The following THBD variants were observed in gnomAD, a reference collection of about 807,000 sequenced individuals.
THBD encodes the protein CD141 antigen.
For synonymous variants in THBD, 449 were observed against 374.2 expected, an observed-to-expected ratio of 1.20 and a Z score of -2.31; for missense variants, 850 against 816.9, an observed-to-expected ratio of 1.04 and a Z score of -0.49.
In THBD at chr20:23,048,967, C is replaced by A. The variant is rs775651917; in HGVS notation, c.538G>T (p.Val180Leu). 27 of 1,559,038 alleles carry A rather than the reference C, an allele frequency of 1.7e-5. No homozygotes were observed. Among genetic ancestry groups the A allele is most frequent in the Non-Finnish European group, 2.3e-5 (27 of 1,155,162 alleles). Residue 180 changes from valine (V) to leucine (L), a missense_variant, in exon 1 of 1, where the codon GTG becomes TTG. Coordinates refer to ENST00000377103, the MANE Select transcript of THBD (RefSeq NM_000361.3). ...HFPATCRPLAVEPGAAAAAVS... is the reference protein window; with the variant it reads ...HFPATCRPLALEPGAAAAAVS... ...GCGGCAGCCGCGGCGCCGGGCTCCA[C>A]AGCCAGTGGCCTGCAGGTGGCTGGG...
In THBD at chr20:23,049,334, G is replaced by A; in HGVS notation, c.171C>T (p.Gly57=). 6.2e-7 allele frequency: 1 copy of A among 1,604,476 alleles called. No individual in the cohort carries two copies. Among genetic ancestry groups the A allele is most frequent in the African/African-American group, 1.3e-5 (1 of 74,950 alleles). Residue 57 remains glycine (G), a synonymous_variant, in exon 1 of 1, where the codon GGC becomes GGT. Coordinates refer to ENST00000377103, the MANE Select transcript of THBD (RefSeq NM_000361.3). ...NASQICDGLR[G]HLMTVRSSVA... ...CCGAGGAGCGCACTGTCATTAGGTG[G>A]CCCCGCAGTCCGTCGCAGATCTGAC...
chr20:23,049,222 C>A lies in THBD; in HGVS notation c.283G>T (p.Gly95Cys). The A allele has an allele frequency of 6.4e-7, 1 of 1,556,666 alleles. No individual in the cohort carries two copies. The highest frequency in any genetic ancestry group is 8.7e-7 in the Non-Finnish European group (1 of 1,150,480). Residue 95 changes from glycine to cysteine, a missense_variant, in exon 1 of 1, where the codon GGC becomes TGC. By Grantham distance (159) the Gly-to-Cys change is radical. Transcript: ENST00000377103. ...CCGAGGCGCTTGGGGTCGCCGCAGCCGGGTGGCAGCTGCAGGCCGATCCAG... is the reference window on the plus strand; with the variant it reads ...CCGAGGCGCTTGGGGTCGCCGCAGCAGGGTGGCAGCTGCAGGCCGATCCAG... ...RLWIGLQLPP[G>C]CGDPKRLGPL... is the part of the protein sequence containing the mutation.
In THBD at chr20:23,047,812, G is replaced by T. The variant is rs779607352; in HGVS notation, c.1693C>A (p.His565Asn). 1 of 1,597,528 alleles carries T rather than the reference G, an allele frequency of 6.3e-7. No individual in the cohort carries two copies. Among genetic ancestry groups the T allele is most frequent in the East Asian group, 2.3e-5 (1 of 44,066 alleles). Residue 565 changes from histidine to asparagine, a missense_variant, in exon 1 of 1, where the codon CAC becomes AAC. Coordinates refer to ENST00000377103, the MANE Select transcript of THBD (RefSeq NM_000361.3). ...AAPSKEVVLQHVRTERTPQRL is the reference protein window; with the variant it reads ...AAPSKEVVLQNVRTERTPQRL ...TGCGGCGTCCGCTCGGTCCGCACGTGCTGCAGCACTACCTCCTTGGAAGGG... is the reference window on the plus strand; with the variant it reads ...TGCGGCGTCCGCTCGGTCCGCACGTTCTGCAGCACTACCTCCTTGGAAGGG...
chr20:23,048,967 C>T lies in THBD; in HGVS notation c.538G>A (p.Val180Met), dbSNP rs775651917. Residue 180 changes from valine to methionine, a missense_variant, in exon 1 of 1, where the codon GTG becomes ATG. Val to Met is a conservative substitution (Grantham distance 21, BLOSUM62 1). Transcript: ENST00000377103. ...HFPATCRPLA[V>M]EPGAAAAAVS... is the part of the protein sequence containing the mutation. Reference sequence around the variant, plus strand: ...GCGGCAGCCGCGGCGCCGGGCTCCACAGCCAGTGGCCTGCAGGTGGCTGGG... The same window carrying T: ...GCGGCAGCCGCGGCGCCGGGCTCCATAGCCAGTGGCCTGCAGGTGGCTGGG... 4.5e-6 allele frequency: 7 copies of T among 1,559,038 alleles called. No homozygotes were observed. The African/African-American group carries it at 9.5e-5, about 21-fold the overall frequency.
At position 23,047,077 on chromosome 20, in the gene THBD, G is replaced by A. The variant is rs1334358695; in HGVS notation, c.*700C>T. 6.6e-6 allele frequency: 1 copy of A among 152,156 alleles called. No individual in the cohort carries two copies. Among genetic ancestry groups the A allele is most frequent in the African/African-American group, 2.4e-5 (1 of 41,418 alleles). The allele number at this position is 152,156 out of a possible 1,614,324, so 9.4% of individuals were successfully genotyped here. On this transcript the variant is annotated 3_prime_UTR_variant, in exon 1 of 1. Coordinates refer to ENST00000377103, the MANE Select transcript of THBD (RefSeq NM_000361.3). The stretch of plus-strand genomic sequence containing the variant: ...AGCAAATCTGGTGAAAAAGCAAATG[G>A]CCATTTTTATTTTTAGTGTTTTTGT...
Position 23,047,990 on chromosome 20 carries a change from C to A in THBD, c.1515G>T (p.Leu505Phe). ...PPPSPTPGST[L>F]TPPAVGLVHS... ...GCACGAGCCCCACGGCCGGAGGAGT[C>A]AAGGTGGAGCCGGGCGTCGGGCTGG... The change falls in exon 1 of 1, where the codon TTG becomes TTT. Residue 505 changes from leucine (L) to phenylalanine (F), a missense_variant. Leu to Phe is a conservative substitution (Grantham distance 22). Coordinates refer to ENST00000377103, the MANE Select transcript of THBD (RefSeq NM_000361.3). 1 of 1,608,388 alleles carries A rather than the reference C, an allele frequency of 6.2e-7. No individual in the cohort carries two copies. The highest frequency in any genetic ancestry group is 8.5e-7 in the Non-Finnish European group (1 of 1,177,684).
chr20:23,045,661 T>C lies in THBD; in HGVS notation c.*2116A>G, dbSNP rs1299435196. ...GATTCGCCAGATGCCCCAGGAAGGG[T>C]TTATTTAATTCATTCCAACAAATGA... is the stretch of plus-strand genomic sequence containing the variant. On this transcript the variant is annotated 3_prime_UTR_variant, in exon 1 of 1. Transcript: ENST00000377103. 2.0e-5 allele frequency: 3 copies of C among 152,024 alleles called. No homozygotes were observed. Among genetic ancestry groups the C allele is most frequent in the Non-Finnish European group, 4.4e-5 (3 of 68,002 alleles). 9.4% of individuals were successfully genotyped at this position (152,024 alleles called of 1,614,324 possible). A position where few individuals can be genotyped will look rare whatever the true frequency, so the allele number is the denominator to read the frequency against.
In THBD at chr20:23,046,475, G is replaced by A. The variant is rs551790737; in HGVS notation, c.*1302C>T. 5 of 152,188 alleles carry A rather than the reference G, an allele frequency of 3.3e-5. No homozygotes were observed. Among genetic ancestry groups the A allele is most frequent in the Non-Finnish European group, 7.3e-5 (5 of 68,036 alleles). 9.4% of individuals were successfully genotyped at this position (152,188 alleles called of 1,614,324 possible). On this transcript the variant is annotated 3_prime_UTR_variant, in exon 1 of 1. Transcript: ENST00000377103. ...CATGAACTGGATGGGGTGGAGCCTAGGATTCTGCATTTCTAACCAGCTCCC... is the reference window on the plus strand; with the variant it reads ...CATGAACTGGATGGGGTGGAGCCTAAGATTCTGCATTTCTAACCAGCTCCC...
At position 23,049,532 on chromosome 20, in the gene THBD, C is replaced by T. The variant is rs1984689018; in HGVS notation, c.-28G>A. On this transcript the variant is annotated 5_prime_UTR_variant, in exon 1 of 1. Transcript: ENST00000377103. ...TACCCAGGCGCGCCGCGTGCAGGCG[C>T]CGGGGAAAGCGCGGGCACTGCGACA... The T allele has an allele frequency of 2.6e-6, 4 of 1,532,760 alleles. No individual in the cohort carries two copies. The highest frequency in any genetic ancestry group is 1.8e-6 in the Non-Finnish European group (2 of 1,138,320). The allele number at this position is 1,532,760 out of a possible 1,614,324, so 94.9% of individuals were successfully genotyped here.
rs1029303691 is a variant in THBD, at chr20:23,049,430, C to G, written c.75G>C (p.Pro25=). 4.5e-6 allele frequency: 7 copies of G among 1,567,642 alleles called. No homozygotes were observed. The highest frequency in any genetic ancestry group is 6.0e-6 in the Non-Finnish European group (7 of 1,157,490). ...CGTGCTCGACGCACTGGCTGCCACC[C>G]GGCTGCGGCTCTGCGGGTGCGGGGA... ...LGFPAPAEPQ[P]GGSQCVEHDC... is the part of the protein sequence containing the mutation. Residue 25 remains proline (P), a synonymous_variant, in exon 1 of 1, where the codon CCG becomes CCC. Transcript: ENST00000377103.
At position 23,046,791 on chromosome 20, in the gene THBD, C is replaced by G. The variant is rs1207016389; in HGVS notation, c.*986G>C. ...GTCTCTTCTCTCAATCTAGAGCAAC[C>G]TTCTGAACATTTTCAACACTGTCAA... On this transcript the variant is annotated 3_prime_UTR_variant, in exon 1 of 1. Coordinates refer to ENST00000377103, the MANE Select transcript of THBD (RefSeq NM_000361.3). 6.6e-6 allele frequency: 1 copy of G among 152,200 alleles called. No individual in the cohort carries two copies. Among genetic ancestry groups the G allele is most frequent in the Non-Finnish European group, 1.5e-5 (1 of 68,036 alleles). 9.4% of individuals were successfully genotyped at this position (152,200 alleles called of 1,614,324 possible). A position where few individuals can be genotyped will look rare whatever the true frequency, so the allele number is the denominator to read the frequency against.
rs750357894 is a variant in THBD, at chr20:23,047,903, C to A, written c.1602G>T (p.Ala534=). 1 of 1,608,334 alleles carries A rather than the reference C, an allele frequency of 6.2e-7. No individual in the cohort carries two copies. The highest frequency in any genetic ancestry group is 1.1e-5 in the South Asian group (1 of 90,078). The part of the protein sequence containing the change: ...ASLCLVVALL[A]LLCHLRKKQG... ...GCTTCTTGCGCAGGTGGCAGAGGAGCGCCAAAAGCGCCACCACCAGGCACA... is the reference window on the plus strand; with the variant it reads ...GCTTCTTGCGCAGGTGGCAGAGGAGAGCCAAAAGCGCCACCACCAGGCACA... The change falls in exon 1 of 1, where the codon GCG becomes GCT. Residue 534 remains alanine (A), a synonymous_variant. Coordinates refer to ENST00000377103, the MANE Select transcript of THBD (RefSeq NM_000361.3).
chr20:23,048,230 A>G lies in THBD; in HGVS notation c.1275T>C (p.Cys425=). The change falls in exon 1 of 1, where the codon TGT becomes TGC. Residue 425 remains cysteine, a synonymous_variant. Coordinates refer to ENST00000377103, the MANE Select transcript of THBD (RefSeq NM_000361.3). ...CCAGGATGTAGCCTTCAGGGCACTC[A>G]CAGCTAGCCTGGGTGTTGGGGTCGC... ...ADCDPNTQAS[C]ECPEGYILDD... The G allele has an allele frequency of 6.2e-7, 1 of 1,613,998 alleles. No individual in the cohort carries two copies. The highest frequency in any genetic ancestry group is 8.5e-7 in the Non-Finnish European group (1 of 1,180,046).
In THBD at chr20:23,048,458, G is replaced by A; in HGVS notation, c.1047C>T (p.Cys349=). 1 of 1,613,210 alleles carries A rather than the reference G, an allele frequency of 6.2e-7. No homozygotes were observed. The highest frequency in any genetic ancestry group is 2.2e-5 in the East Asian group (1 of 44,866). ...CCAGGTCGTAGTTAGGGTAGCAGTGGCACTCGAAGCCACCCTGTGTGTTGA... is the reference window on the plus strand; with the variant it reads ...CCAGGTCGTAGTTAGGGTAGCAGTGACACTCGAAGCCACCCTGTGTGTTGA... ...RCVNTQGGFE[C]HCYPNYDLVD... Residue 349 remains cysteine (C), a synonymous_variant, in exon 1 of 1, where the codon TGC becomes TGT. Coordinates refer to ENST00000377103, the MANE Select transcript of THBD (RefSeq NM_000361.3).
Position 23,048,704 on chromosome 20 carries a change from G to T in THBD, c.801C>A (p.Cys267Ter). ...CTGCCTGCAGGGCGGCGCCGGCTGGGCACTGGCAGCGGGGAGCCCCAGGGA... is the reference window on the plus strand; with the variant it reads ...CTGCCTGCAGGGCGGCGCCGGCTGGTCACTGGCAGCGGGGAGCCCCAGGGA... ...NAIPGAPRCQ[C>*]PAGAALQADG... Residue 267 changes from cysteine to a stop codon, truncating the protein, a stop_gained, in exon 1 of 1, where the codon TGC becomes TGA. Coordinates refer to ENST00000377103, the MANE Select transcript of THBD (RefSeq NM_000361.3). LOFTEE classifies it low-confidence loss of function (END_TRUNC). The T allele has an allele frequency of 6.3e-7, 1 of 1,582,378 alleles. No individual in the cohort carries two copies. Among genetic ancestry groups the T allele is most frequent in the Non-Finnish European group, 8.5e-7 (1 of 1,171,808 alleles).
Position 23,045,934 on chromosome 20 carries a change from C to G in THBD, c.*1843G>C, listed in dbSNP as rs1442609202. The stretch of plus-strand genomic sequence containing the variant: ...ATAGCATTTGCATGGTTTGTGAGCC[C>G]CATTTAATGACATAAAATGAGGGCA... On this transcript the variant is annotated 3_prime_UTR_variant, in exon 1 of 1. Transcript: ENST00000377103. The G allele has an allele frequency of 1.3e-5, 2 of 152,030 alleles. No homozygotes were observed. The highest frequency in any genetic ancestry group is 4.8e-5 in the African/African-American group (2 of 41,382). 9.4% of individuals were successfully genotyped at this position (152,030 alleles called of 1,614,324 possible).
chr20:23,049,621 C>T lies in THBD; in HGVS notation c.-117G>A, dbSNP rs1054218358. On this transcript the variant is annotated 5_prime_UTR_variant, in exon 1 of 1. Transcript: ENST00000377103. ...CGACAGCCTCTCCTGTCCGTCCCAG[C>T]CCAGACACTTCTTGCCGCTGCGCGC... is the stretch of plus-strand genomic sequence containing the variant. The T allele has an allele frequency of 3.9e-5, 54 of 1,372,478 alleles. No homozygotes were observed. The highest frequency in any genetic ancestry group is 5.4e-5 in the Non-Finnish European group (53 of 988,008). The allele number at this position is 1,372,478 out of a possible 1,614,324, so 85.0% of individuals were successfully genotyped here. A position where few individuals can be genotyped will look rare whatever the true frequency, so the allele number is the denominator to read the frequency against.
chr20:23,047,399 C>A lies in THBD; in HGVS notation c.*378G>T. The A allele has an allele frequency of 3.9e-6, 1 of 257,390 alleles. No individual in the cohort carries two copies. The highest frequency in any genetic ancestry group is 7.7e-5 in the South Asian group (1 of 12,922). 15.9% of individuals were successfully genotyped at this position (257,390 alleles called of 1,614,324 possible). A position where few individuals can be genotyped will look rare whatever the true frequency, so the allele number is the denominator to read the frequency against. On this transcript the variant is annotated 3_prime_UTR_variant, in exon 1 of 1. Transcript: ENST00000377103. ...TAAGAACAAAGGAAACAAACAAAAACCTAAATACTTAAAAAAAATAAATAT... is the reference window on the plus strand; with the variant it reads ...TAAGAACAAAGGAAACAAACAAAAAACTAAATACTTAAAAAAAATAAATAT...
In THBD at chr20:23,048,254, G is replaced by C; in HGVS notation, c.1251C>G (p.Cys417Trp). The C allele has an allele frequency of 6.2e-7, 1 of 1,613,974 alleles. No homozygotes were observed. The highest frequency in any genetic ancestry group is 2.2e-5 in the East Asian group (1 of 44,880). Reference protein sequence around the residue: ...FCNQTACPADCDPNTQASCEC... With the variant: ...FCNQTACPADWDPNTQASCEC... The stretch of plus-strand genomic sequence containing the variant: ...CACAGCTAGCCTGGGTGTTGGGGTC[G>C]CAGTCGGCTGGACAGGCAGTCTGGT... Residue 417 changes from cysteine to tryptophan, a missense_variant, in exon 1 of 1, where the codon TGC becomes TGG. Transcript: ENST00000377103.
Sources: gnomAD v4.1 joint callset for allele counts on GRCh38, gnomAD v4.1.1 for gene constraint, MANE v1.5 for transcripts, NCBI Gene and HGNC (gene_info 2026-07-23, HGNC 2026-07-21) for gene names.